The following TACC1 variants were observed in gnomAD, a reference collection of about 807,000 sequenced individuals.
TACC1 encodes the protein transforming acidic coiled-coil containing protein 1.
Under a neutral mutation model 84.4 loss-of-function variants are expected in TACC1, and 48 were observed. The observed-to-expected ratio is 0.57, with a 90% CI of 0.45 to 0.72. The LOEUF (loss-of-function observed/expected upper bound fraction) is 0.72, where lower values mean the gene tolerates loss of function less well. Among genes scored for constraint, TACC1 ranks in the 30% least tolerant of loss-of-function variants. The pLI, the probability that TACC1 is intolerant of heterozygous loss-of-function variation, is 0.00. For missense variants in TACC1, 920 were observed against 973.0 expected (o/e 0.95, Z 0.72); for synonymous variants, 372 against 376.3 (o/e 0.99, Z 0.13).
At chr8:38,839,466 C>T (rs1043781156) in intron 8 of TACC1, 4 of 367,132 alleles carry the variant, frequency 1.1e-5, no homozygotes, top group African/African-American at 8.3e-5. Context: ...TAATTTGTTG[C>T]TCTTTTATTA....
rs576451912 is a variant in TACC1 at position 38,734,354 on chromosome 8, G to A, written c.-675+5683G>A. Among the ~76,000 whole-genome samples the A allele has an allele frequency of 1.5e-3, 234 of 152,230 alleles. 1 individual carries two copies. The highest frequency in any genetic ancestry group is 3.0e-3 in the Non-Finnish European group (206 of 68,022). ...ATTACAGGCACCTGCCACCACACCA[G>A]CTAATTTTTGTAGTTTTGGTAGAGA... is the stretch of plus-strand genomic sequence containing the variant. On this transcript the variant is annotated intron_variant, in intron 1 of 14. Coordinates refer to the TACC1 transcript ENST00000518415.
At chr8:38,832,051 C>G (rs1829367116) in intron 6 of TACC1, among the ~76,000 whole-genome samples, 1 of 152,222 alleles carries the variant, frequency 6.6e-6, no homozygotes, top group Admixed American at 6.5e-5. Context: ...AGGTGATCCA[C>G]CTGCCTTGGC....
chr8:38,773,576 A>T (rs531574828), intron 3 of TACC1, among the ~76,000 whole-genome samples: 3 of 147,810 alleles, frequency 2.0e-5, no homozygotes, highest in South Asian at 4.1e-4. Context: ...CTATCTAGCT[A>T]GCTATCTATC....
rs79177471 is a variant in TACC1, at chr8:38,820,440, G to A, written c.1196G>A (p.Ser399Asn). 33 of 1,614,142 alleles carry A rather than the reference G, an allele frequency of 2.0e-5. No homozygotes were observed. In the South Asian group the frequency reaches 3.1e-4, roughly 15 times the overall value. ...WESPSFNPFG[S>N]HSVLQNSPPL... ...AGCCCCAGCTTCAACCCCTTTGGGA[G>A]CCACTCTGTTCTGCAGAACTCCCCA... Residue 399 changes from serine to asparagine, a missense_variant, in exon 3 of 13, where the codon AGC (serine) becomes AAC (asparagine). By Grantham distance (46) the Ser-to-Asn change is conservative. Transcript: ENST00000317827.
chr8:38,812,987 C>T (rs1318667072), intron 2 of TACC1, among the ~76,000 whole-genome samples: 1 of 152,168 alleles, frequency 6.6e-6, no homozygotes, highest in East Asian at 1.9e-4. Context: ...GAGCTGGCTT[C>T]TCTTTGCACT....
intron 3 of TACC1, among the ~76,000 whole-genome samples, chr8:38,757,727 A>G (rs1190497635): frequency 1.3e-5 from 2 of 152,126 alleles, no homozygotes; most frequent in East Asian, 3.9e-4. Flanking sequence ...CGTGTCCTAA[A>G]GAGCTCTGAA....
rs2152209507 is a variant in TACC1, at chr8:38,820,187, A to G, written c.943A>G (p.Ser315Gly). Residue 315 changes from serine (S) to glycine (G), a missense_variant, in exon 3 of 13, where the codon AGC becomes GGC. Coordinates refer to ENST00000317827, the MANE Select transcript of TACC1 (RefSeq NM_006283.3). ...SGVELGEESR[S>G]SPLKLEFDFT... ...GGTTGAGCTGGGGGAGGAGTCGAGG[A>G]GCTCACCTCTCAAGCTTGAGTTTGA... 1 of 1,614,058 alleles carries G rather than the reference A, an allele frequency of 6.2e-7. No individual in the cohort carries two copies. Among genetic ancestry groups the G allele is most frequent in the African/African-American group, 1.3e-5 (1 of 74,998 alleles).
At chr8:38,835,078 C>T (rs1738029312) in intron 6 of TACC1, among the ~76,000 whole-genome samples, 1 of 151,992 alleles carries the variant, frequency 6.6e-6, no homozygotes, top group South Asian at 2.1e-4. Context: ...ACGGTGAAAC[C>T]CCGTCTCTAC....
intron 3 of TACC1, among the ~76,000 whole-genome samples, chr8:38,748,222 G>A (rs1808416171): frequency 6.6e-6 from 1 of 151,750 alleles, no homozygotes; most frequent in Admixed American, 6.6e-5. Context: ...AGATAAAGAA[G>A]GGCACTTTAG....
upstream of TACC1, among the ~76,000 whole-genome samples, chr8:38,782,921 A>G (rs947394901): frequency 6.6e-6 from 1 of 152,148 alleles, no homozygotes; most frequent in Non-Finnish European, 1.5e-5. Flanking sequence ...GCACTCAACA[A>G]CTGCTTCTTT....
chr8:38,817,151 G>T (rs1209947489), intron 2 of TACC1, among the ~76,000 whole-genome samples: 1 of 152,160 alleles, frequency 6.6e-6, no homozygotes, highest in Non-Finnish European at 1.5e-5. Context: ...AAACTTAAAA[G>T]GAGTGATAAC....
intron 2 of TACC1, among the ~76,000 whole-genome samples, chr8:38,790,662 C>T (rs1029084073): frequency 6.6e-6 from 1 of 152,140 alleles, no homozygotes; most frequent in African/African-American, 2.4e-5. Flanking sequence ...CGTAGGTTGC[C>T]TAGGGAAGTC....
At chr8:38,839,406 C>T (rs1830806100) in intron 8 of TACC1, 4 of 391,672 alleles carry the variant, frequency 1.0e-5, no homozygotes, top group Non-Finnish European at 1.8e-5. Context: ...AATTCACACA[C>T]AGTGTGGTCA....
chr8:38,743,338 CT>C (rs1353033935), intron 2 of TACC1, among the ~76,000 whole-genome samples: 1 of 152,016 alleles, frequency 6.6e-6, no homozygotes. Context: ...CTCAGGCAGC[CT>C]TGAGGAGGAA....
chr8:38,767,341 G>A (rs1812437433), intron 3 of TACC1, among the ~76,000 whole-genome samples: 1 of 152,216 alleles, frequency 6.6e-6, no homozygotes, highest in Non-Finnish European at 1.5e-5. Flanking sequence ...TGTGTGTGAA[G>A]CCATGATTCC....
At chr8:38,755,645 A>G (rs1809855915) in intron 3 of TACC1, among the ~76,000 whole-genome samples, 1 of 150,616 alleles carries the variant, frequency 6.6e-6, no homozygotes, top group African/African-American at 2.4e-5. Flanking sequence ...TCAAGGCTCC[A>G]GTGAGCTTTG....
At chr8:38,824,577 T>G (rs1350674223) in intron 3 of TACC1, 2 of 152,452 alleles carry the variant, frequency 1.3e-5, no homozygotes, top group Non-Finnish European at 2.9e-5. Flanking sequence ...AATAATTTTT[T>G]CTCTTTTTTT....
chr8:38,736,229 C>A (rs1209664809), intron 1 of TACC1, among the ~76,000 whole-genome samples: 1 of 152,232 alleles, frequency 6.6e-6, no homozygotes, highest in Non-Finnish European at 1.5e-5. Flanking sequence ...TAGTCTCCCT[C>A]TCTCAGAAAT....
chr8:38,847,269 C>T (rs1798009420), intron 12 of TACC1, among the ~76,000 whole-genome samples: 1 of 152,162 alleles, frequency 6.6e-6, no homozygotes, highest in Non-Finnish European at 1.5e-5. Context: ...CTGGGAGATG[C>T]TGCTGGTATC....
Sources: allele counts gnomAD v4.1 joint callset (sites outside exome capture counted in the v4.1 genomes callset), GRCh38; gene constraint gnomAD v4.1.1; transcripts MANE v1.5; gene names NCBI Gene and HGNC (gene_info 2026-07-23, HGNC 2026-07-21).